The following GRAMD1B variants were observed in gnomAD, a reference collection of about 807,000 sequenced individuals.
GRAMD1B encodes protein Aster-B.
GRAMD1B carries 37 observed loss-of-function variants against 99.7 expected under a neutral mutation model. That is an observed-to-expected ratio of 0.37 (90% CI 0.29 to 0.49). GRAMD1B has a LOEUF of 0.49. Among genes scored for constraint, GRAMD1B ranks in the 20% least tolerant of loss-of-function variants. The pLI is 0.98. For missense variants in GRAMD1B, 888 were observed against 1,009.2 expected (o/e 0.88, Z 1.63); for synonymous variants, 427 against 387.6 (o/e 1.10, Z -1.19).
chr11:123,500,689 T>A (rs1438478764), intron 2 of GRAMD1B, among the ~76,000 whole-genome samples: 1 of 152,116 alleles, frequency 6.6e-6, no homozygotes, highest in Non-Finnish European at 1.5e-5. Context: ...TTTTATTTTT[T>A]TTTTGACAGA....
At chr11:123,420,687 G>A (rs928250712) in intron 1 of GRAMD1B, among the ~76,000 whole-genome samples, 2 of 152,172 alleles carry the variant, frequency 1.3e-5, no homozygotes, top group Non-Finnish European at 2.9e-5. Flanking sequence ...CACAAACGAT[G>A]ACAGGGAGAA....
rs1049273508 is a variant in GRAMD1B at position 123,605,334 on chromosome 11, G to T, written c.1179G>T (p.Glu393Asp). ...TGTCTCCTCTCAGATACTGTGAAGA[G>T]ATCCCTGTGGAAGAGAATGAAGTGA... is the stretch of plus-strand genomic sequence containing the variant. ...DDFNTMGYCEEIPVEENEVND... is the reference protein window; with the variant it reads ...DDFNTMGYCEDIPVEENEVND... The change falls in exon 10 of 20, where the codon GAG becomes GAT. Residue 393 changes from glutamate (E) to aspartate (D), a missense_variant. By Grantham distance (45) the Glu-to-Asp change is conservative. Transcript: ENST00000635736. 6 of 1,610,222 alleles carry T rather than the reference G, an allele frequency of 3.7e-6. No homozygotes were observed. The highest frequency in any genetic ancestry group is 4.2e-6 in the Non-Finnish European group (5 of 1,177,782).
chr11:123,448,749 T>C (rs1293011361), intron 1 of GRAMD1B, among the ~76,000 whole-genome samples: 3 of 152,256 alleles, frequency 2.0e-5, no homozygotes, highest in African/African-American at 4.8e-5. Context: ...GTTACTTACA[T>C]TGGGGCTTGG....
chr11:123,416,913 T>G (rs574545777), intron 1 of GRAMD1B, among the ~76,000 whole-genome samples: 5 of 152,342 alleles, frequency 3.3e-5, no homozygotes, highest in African/African-American at 1.2e-4. Flanking sequence ...TTCACATTGG[T>G]TAACTGAGGC....
chr11:123,473,292 G>A (rs765763898), intron 1 of GRAMD1B, among the ~76,000 whole-genome samples: 1 of 152,112 alleles, frequency 6.6e-6, no homozygotes, highest in Non-Finnish European at 1.5e-5. Context: ...TCGAACTCCT[G>A]ACCTCAGGTG....
chr11:123,439,664 A>T (rs1476788591), intron 1 of GRAMD1B, among the ~76,000 whole-genome samples: 1 of 152,134 alleles, frequency 6.6e-6, no homozygotes, highest in African/African-American at 2.4e-5. Context: ...GAATGAGATG[A>T]CCAGGCACGT....
intron 1 of GRAMD1B, among the ~76,000 whole-genome samples, chr11:123,422,622 A>G (rs1461981026): frequency 1.3e-5 from 2 of 152,302 alleles, no homozygotes; most frequent in East Asian, 3.9e-4. Flanking sequence ...TTATGCTCCA[A>G]ATGTTCTTTT....
In GRAMD1B at chr11:123,577,486, A is replaced by C. The variant is rs1247125379; in HGVS notation, c.572A>C (p.His191Pro). 3.1e-6 allele frequency: 5 copies of C among 1,603,370 alleles called. No individual in the cohort carries two copies. Among genetic ancestry groups the C allele is most frequent in the Admixed American group, 3.4e-5 (2 of 58,900 alleles). The part of the protein sequence containing the change: ...GDTMVEKGSD[H>P]SSDKSPSTPE... Reference sequence around the variant, plus strand: ...ACCATGGTGGAGAAGGGCTCAGATCACTCCTCGGACAAGTCCCCGTCCACA... The same window carrying C: ...ACCATGGTGGAGAAGGGCTCAGATCCCTCCTCGGACAAGTCCCCGTCCACA... The change falls in exon 3 of 20, where the codon CAC (histidine) becomes CCC (proline). Residue 191 changes from histidine (H) to proline (P), a missense_variant. His to Pro is a moderately conservative substitution (Grantham distance 77). Around this residue, in one of 5 missense-constraint regions of GRAMD1B, gnomAD observed 233 missense variants for 154.6 expected, o/e 1.51. Transcript: ENST00000635736.
At chr11:123,411,070 T>C (rs932669921) in intron 1 of GRAMD1B, among the ~76,000 whole-genome samples, 1 of 151,988 alleles carries the variant, frequency 6.6e-6, no homozygotes, top group Non-Finnish European at 1.5e-5. Context: ...AGTGGCATGA[T>C]CTCGGCTCAC....
intron 1 of GRAMD1B, among the ~76,000 whole-genome samples, chr11:123,456,495 C>T (rs1161905299): frequency 6.6e-6 from 1 of 152,120 alleles, no homozygotes; most frequent in South Asian, 2.1e-4. Flanking sequence ...AAAATTGGGG[C>T]CAAGTGTGGT....
chr11:123,463,531 C>T (rs1445730484), intron 1 of GRAMD1B, among the ~76,000 whole-genome samples: 1 of 152,220 alleles, frequency 6.6e-6, no homozygotes, highest in Admixed American at 6.5e-5. Flanking sequence ...AGGAGGTGTT[C>T]TCTGATGTAG....
chr11:123,373,332 T>C (rs1014367134), intron 1 of GRAMD1B, among the ~76,000 whole-genome samples: 7 of 152,140 alleles, frequency 4.6e-5, no homozygotes, highest in African/African-American at 1.4e-4. Context: ...GTTTTTCTGA[T>C]GGCCAGTCAA....
At chr11:123,524,212 C>CA (rs2135456454) in intron 2 of GRAMD1B, among the ~76,000 whole-genome samples, 1 of 152,238 alleles carries the variant, frequency 6.6e-6, no homozygotes, top group Non-Finnish European at 1.5e-5. Context: ...GAATGACACA[C>CA]AGTCCTTGTC....
At chr11:123,582,477 C>T (rs2136303362) in intron 3 of GRAMD1B, among the ~76,000 whole-genome samples, 1 of 152,314 alleles carries the variant, frequency 6.6e-6, no homozygotes, top group East Asian at 1.9e-4. Context: ...GGTGTGGCCT[C>T]TGGATGGACC....
At chr11:123,614,357 T>G (rs1038268445) in intron 16 of GRAMD1B, among the ~76,000 whole-genome samples, 4 of 152,230 alleles carry the variant, frequency 2.6e-5, no homozygotes. Flanking sequence ...AAACTGACTC[T>G]CAGAGAGCTT....
chr11:123,589,263 T>C (rs1460433632), intron 4 of GRAMD1B, among the ~76,000 whole-genome samples: 1 of 151,698 alleles, frequency 6.6e-6, no homozygotes, highest in Non-Finnish European at 1.5e-5. Context: ...TTCCTGGAGG[T>C]GTCCTTCAGA....
chr11:123,499,738 G>A (rs1402026929), intron 2 of GRAMD1B, among the ~76,000 whole-genome samples: 1 of 152,218 alleles, frequency 6.6e-6, no homozygotes, highest in Non-Finnish European at 1.5e-5. Flanking sequence ...GGCTGTGGGA[G>A]TAGAGGTTGT....
At chr11:123,365,615 C>A (rs1211818891) in intron 1 of GRAMD1B, among the ~76,000 whole-genome samples, 2 of 152,196 alleles carry the variant, frequency 1.3e-5, no homozygotes, top group Admixed American at 6.5e-5. Context: ...ATTAGTTCTG[C>A]ACCTCTGCAG....
chr11:123,377,473 A>G (rs1946726902), intron 1 of GRAMD1B, among the ~76,000 whole-genome samples: 2 of 152,294 alleles, frequency 1.3e-5, no homozygotes, highest in South Asian at 4.2e-4. Flanking sequence ...GCCAGAGTAT[A>G]ACTCAGTAGT....
Sources: gnomAD v4.1 joint callset for allele counts (sites outside exome capture counted in the v4.1 genomes callset) on GRCh38, gnomAD v4.1.1 for gene constraint, gnomAD v4.1.1 regional missense constraint, MANE v1.5 for transcripts, NCBI Gene and HGNC (gene_info 2026-07-23, HGNC 2026-07-21) for gene names.